Variants in CCDC77 observed in about 807,000 individuals in gnomAD.
CCDC77 encodes the protein coiled-coil domain-containing protein 77.
Under a neutral mutation model 66.8 loss-of-function variants are expected in CCDC77, and 56 were observed. That is an observed-to-expected ratio of 0.84 (90% confidence interval 0.68 to 1.05). The LOEUF (loss-of-function observed/expected upper bound fraction) is 1.05, where lower values mean the gene tolerates loss of function less well. CCDC77 is among the 50% of genes least tolerant of loss of function. CCDC77 has a pLI of 0.00. For synonymous variants in CCDC77, 196 were observed against 195.2 expected, an observed-to-expected ratio of 1.00 and a Z score of -0.03; for missense variants, 570 against 576.8, an observed-to-expected ratio of 0.99 and a Z score of 0.12.
rs74347647 is a variant in CCDC77, at chr12:426,910, C to T, written c.414-1859C>T. The stretch of plus-strand genomic sequence containing the variant: ...ACCATGAATATCTACTCTGTGGTGT[C>T]GCAGGGTCTTACCTTCTAGGAGTTC... On this transcript the variant is annotated intron_variant, in intron 5 of 12. Transcript: ENST00000239830. Among the ~76,000 whole-genome samples, 1,478 of 152,178 alleles carry T rather than the reference C, an allele frequency of 9.7e-3. 10 individuals are homozygous for T. The highest frequency in any genetic ancestry group is 0.015 in the Non-Finnish European group (1,037 of 68,010).
rs1945080741 is a variant in CCDC77, at chr12:410,268, T to G, written c.38+847T>G. On this transcript the variant is annotated intron_variant, in intron 3 of 12. Transcript: ENST00000239830. ...TTTCTCTTCTTCTGTACTATTTTTG[T>G]TTTTTTTTTGTTTTTTGAGATGGAG... 2.2e-4 allele frequency among the ~76,000 whole-genome samples: 3 copies of G among 13,856 alleles called. No individual in the cohort carries two copies. In the South Asian group the frequency reaches 6.3e-3, roughly 29 times the overall value. 9.1% of individuals were successfully genotyped at this position (13,856 alleles called of 152,430 possible). A position where few individuals can be genotyped will look rare whatever the true frequency, so the allele number is the denominator to read the frequency against.
At position 431,908 on chromosome 12, in the gene CCDC77, A is replaced by G; in HGVS notation, c.626A>G (p.Glu209Gly). ...AGAAGACCATCGAGAGAGAGAAAAG[A>G]AAGTTCTGAGCATTACCAAAGAGAC... ...SKRRPSRERK[E>G]SSEHYQRDIQ... The change falls in exon 8 of 13, where the codon GAA becomes GGA. Residue 209 changes from glutamate (E) to glycine (G), a missense_variant. Coordinates refer to ENST00000239830, the MANE Select transcript of CCDC77 (RefSeq NM_032358.4). The G allele has an allele frequency of 2.5e-6, 4 of 1,612,642 alleles. No homozygotes were observed. The highest frequency in any genetic ancestry group is 3.4e-6 in the Non-Finnish European group (4 of 1,179,152).
intron 7 of CCDC77, among the ~76,000 whole-genome samples, chr12:431,106 G>T: frequency 6.8e-6 from 1 of 146,320 alleles, no homozygotes; most frequent in East Asian, 2.0e-4. Context: ...AATTGGAAAT[G>T]TTTTCCTACT....
chr12:414,457 A>C (rs1261554121), intron 4 of CCDC77, among the ~76,000 whole-genome samples: 1 of 152,130 alleles, frequency 6.6e-6, no homozygotes, highest in African/African-American at 2.4e-5. Flanking sequence ...CTCAGTGTCC[A>C]TTAACAACTC....
At chr12:426,369 G>A (rs2137592090) in intron 5 of CCDC77, among the ~76,000 whole-genome samples, 1 of 152,244 alleles carries the variant, frequency 6.6e-6, no homozygotes, top group South Asian at 2.1e-4. Context: ...TGCTACATCT[G>A]GCACAATGAC....
At chr12:423,891 T>G (rs1429691085) in intron 5 of CCDC77, among the ~76,000 whole-genome samples, 1 of 152,230 alleles carries the variant, frequency 6.6e-6, no homozygotes. Flanking sequence ...AGCATCTTTC[T>G]TGTGCCATTT....
chr12:432,581 G>A (rs570369325), intron 8 of CCDC77, among the ~76,000 whole-genome samples: 1 of 152,308 alleles, frequency 6.6e-6, no homozygotes, highest in South Asian at 2.1e-4. Flanking sequence ...TTGCTTCTGT[G>A]CAGGAAGGGT....
chr12:411,221 T>A (rs1278877431), intron 3 of CCDC77, among the ~76,000 whole-genome samples: 1 of 152,006 alleles, frequency 6.6e-6, no homozygotes, highest in Non-Finnish European at 1.5e-5. Context: ...GTCGCCAGGC[T>A]GGAGTGCAAT....
At chr12:440,772 A>G (rs2120355449) in intron 11 of CCDC77, 30 bp downstream of exon 11, 1 of 1,613,660 alleles carries the variant, frequency 6.2e-7, no homozygotes, top group Non-Finnish European at 8.5e-7. Context: ...TTGTAATGGA[A>G]TAGGAAGTGC....
chr12:431,337 A>G (rs1485687721), intron 7 of CCDC77, among the ~76,000 whole-genome samples: 1 of 149,826 alleles, frequency 6.7e-6, no homozygotes, highest in African/African-American at 2.5e-5. Context: ...TCCTACCTCA[A>G]CCTCCTGAGT....
At chr12:432,328 C>G (rs1945668614) in intron 8 of CCDC77, among the ~76,000 whole-genome samples, 1 of 151,926 alleles carries the variant, frequency 6.6e-6, no homozygotes, top group Admixed American at 6.6e-5. Context: ...GTTCCAAAGT[C>G]TAGGAAAGTA....
At chr12:399,011 C>G (rs111781040), upstream of CCDC77, among the ~76,000 whole-genome samples, 10 of 152,180 alleles carry the variant, frequency 6.6e-5, no homozygotes, top group African/African-American at 2.4e-4. Flanking sequence ...GTTGGCCTTC[C>G]AAAGTGCTGG....
At chr12:401,916 G>C (rs901471999) in intron 1 of CCDC77, among the ~76,000 whole-genome samples, 5 of 152,196 alleles carry the variant, frequency 3.3e-5, no homozygotes, top group Admixed American at 2.6e-4. Context: ...GTCGAGAATG[G>C]GATGAAGTGG....
At chr12:401,023 C>T (rs1353824129), upstream of CCDC77, among the ~76,000 whole-genome samples, 1 of 152,196 alleles carries the variant, frequency 6.6e-6, no homozygotes, top group Non-Finnish European at 1.5e-5. Flanking sequence ...GACGAAAGTG[C>T]TTTTCCCCCA....
chr12:406,157 G>T (rs374743986), intron 2 of CCDC77, among the ~76,000 whole-genome samples: 2 of 152,080 alleles, frequency 1.3e-5, no homozygotes, highest in Non-Finnish European at 1.5e-5. Flanking sequence ...CAGTCTATCC[G>T]CCTTGGCCTC....
chr12:426,084 C>T (rs976284401), intron 5 of CCDC77, among the ~76,000 whole-genome samples: 21 of 152,104 alleles, frequency 1.4e-4, no homozygotes, highest in African/African-American at 4.3e-4. Context: ...AGGCTGGTCT[C>T]GAACTCCCGA....
In CCDC77 at chr12:414,004, C is replaced by T. The variant is rs148454315; in HGVS notation, c.270+2026C>T. Among the ~76,000 whole-genome samples the T allele has an allele frequency of 1.8e-3, 277 of 151,992 alleles. 5 individuals carry two copies. Among genetic ancestry groups the T allele is most frequent in the African/African-American group, 6.3e-3 (262 of 41,276 alleles). ...CCGTGCCGTCTGCGGTCTCCAAATA[C>T]CTGTTTACCAAACTTTTCTCTTTTT... On this transcript the variant is annotated intron_variant, in intron 4 of 12. Transcript: ENST00000239830.
chr12:395,992 G>A (rs916861553), intron 1 of CCDC77, among the ~76,000 whole-genome samples: 8 of 152,138 alleles, frequency 5.3e-5, no homozygotes, highest in African/African-American at 1.4e-4. Context: ...GAGTCAGGAG[G>A]ATTGCTTGAG....
chr12:428,833 G>A lies in CCDC77; in HGVS notation c.478G>A (p.Val160Met), dbSNP rs929163487. The change falls in exon 6 of 13, where the codon GTG becomes ATG. Residue 160 changes from valine to methionine, a missense_variant. Transcript: ENST00000239830. ...LALVGTDAGE[V>M]TYFCKEPPHK... ...TCTTGTGGGAACAGATGCTGGAGAA[G>A]TGACCTATTTTTGTAAGGAGCCTCC... is the stretch of plus-strand genomic sequence containing the variant. 2 of 1,613,068 alleles carry A rather than the reference G, an allele frequency of 1.2e-6. No homozygotes were observed. The highest frequency in any genetic ancestry group is 1.7e-6 in the Non-Finnish European group (2 of 1,179,488).
Sources: allele counts gnomAD v4.1 joint callset (sites outside exome capture counted in the v4.1 genomes callset), GRCh38; gene constraint gnomAD v4.1.1; transcripts MANE v1.5; gene names NCBI Gene and HGNC (gene_info 2026-07-23, HGNC 2026-07-21).